Variants in PATJ observed in about 807,000 individuals in gnomAD.
PATJ encodes the protein inaD-like protein.
PATJ carries 190 observed loss-of-function variants against 224.9 expected under a neutral mutation model. The observed-to-expected ratio is 0.84, with a 90% CI of 0.75 to 0.95. PATJ has a LOEUF of 0.95. Among genes scored for constraint, PATJ ranks in the 40% least tolerant of loss-of-function variants. The pLI is 0.00. For synonymous variants in PATJ, 769 were observed against 820.3 expected (o/e 0.94, Z 1.07); for missense variants, 2,121 against 2,270.3 (o/e 0.93, Z 1.34).
At chr1:61,995,920 G>A (rs1032947578) in intron 28 of PATJ, among the ~76,000 whole-genome samples, 4 of 152,172 alleles carry the variant, frequency 2.6e-5, no homozygotes, top group Non-Finnish European at 5.9e-5. Flanking sequence ...GTGCTGTGCA[G>A]GGAATTGGAG....
intron 37 of PATJ, among the ~76,000 whole-genome samples, chr1:62,120,568 A>C (rs1664924517): frequency 6.6e-6 from 1 of 152,226 alleles, no homozygotes; most frequent in Admixed American, 6.5e-5. Flanking sequence ...ATATTCATTT[A>C]AATGAATAAA....
In PATJ at chr1:62,144,775, A is replaced by ATATATATATATATAT. The variant is rs1218856613; in HGVS notation, c.5272-3509_5272-3508insTATATATATATATAT. Among the ~76,000 whole-genome samples, 13 of 90,866 alleles carry ATATATATATATATAT rather than the reference A, an allele frequency of 1.4e-4. 1 individual carries two copies. In the South Asian group the frequency reaches 3.0e-3, roughly 21 times the overall value. The allele number at this position is 90,866 out of a possible 152,430, so 59.6% of individuals were successfully genotyped here. Reference sequence around the variant, plus strand: ...TCTAGAATGTTATTTGCAAAAAAAAAAAATATATATATATATATATAATTA... The same window carrying ATATATATATATATAT: ...TCTAGAATGTTATTTGCAAAAAAAAATATATATATATATATAAATATATATATATATATATAATTA... On this transcript the variant is annotated intron_variant, in intron 41 of 43. Coordinates refer to ENST00000642238, the MANE Select transcript of PATJ (RefSeq NM_001350145.3).
At chr1:61,943,418 T>A (rs1678128847) in intron 27 of PATJ, among the ~76,000 whole-genome samples, 3 of 152,164 alleles carry the variant, frequency 2.0e-5, no homozygotes. Flanking sequence ...TCCAACAGCT[T>A]TAGCAAACGG....
At chr1:61,926,215 A>G (rs1675175281) in intron 26 of PATJ, among the ~76,000 whole-genome samples, 1 of 152,180 alleles carries the variant, frequency 6.6e-6, no homozygotes, top group African/African-American at 2.4e-5. Context: ...CCCTTGCTCC[A>G]GCTGCCTTTG....
chr1:61,792,131 A>G lies in PATJ; in HGVS notation c.1168+684A>G, dbSNP rs551884939. Among the ~76,000 whole-genome samples the G allele has an allele frequency of 7.2e-5, 11 of 152,344 alleles. No individual in the cohort carries two copies. In the East Asian group the frequency reaches 2.1e-3, roughly 29 times the overall value. ...GATTACAGAGTTCATTTCCTTAAAA[A>G]AAAATTGTTATTTTGCATACTTACA... On this transcript the variant is annotated intron_variant, in intron 9 of 43. Coordinates refer to ENST00000642238, the MANE Select transcript of PATJ (RefSeq NM_001350145.3).
chr1:61,921,584 T>C (rs146100549), intron 26 of PATJ, among the ~76,000 whole-genome samples: 3 of 152,322 alleles, frequency 2.0e-5, no homozygotes, highest in African/African-American at 7.2e-5. Flanking sequence ...TTTTCAGGGA[T>C]AGGAATTTGG....
intron 27 of PATJ, among the ~76,000 whole-genome samples, chr1:61,956,952 C>T (rs1571497880): frequency 6.6e-6 from 1 of 152,252 alleles, no homozygotes; most frequent in South Asian, 2.1e-4. Flanking sequence ...CTTCAGTCCC[C>T]CTTGAGTCTG....
rs71050183 is a variant in PATJ at position 61,939,676 on chromosome 1, C to CTTTTTTTTTTT, written c.3670+11863_3670+11873dup. Among the ~76,000 whole-genome samples, 24 of 58,878 alleles carry CTTTTTTTTTTT rather than the reference C, an allele frequency of 4.1e-4. 6 individuals are homozygous for CTTTTTTTTTTT. The highest frequency in any genetic ancestry group is 1.7e-3 in the African/African-American group (18 of 10,684). 38.6% of individuals were successfully genotyped at this position (58,878 alleles called of 152,430 possible). ...AGCATGTATAAAAAGTTTCTATGTG[C>CTTTTTTTTTTT]TTTTTTTTTTTTTTTTTTTTTTTTT... On this transcript the variant is annotated intron_variant, in intron 27 of 43. Transcript: ENST00000642238.
intron 29 of PATJ, among the ~76,000 whole-genome samples, chr1:62,028,327 T>G (rs1384611287): frequency 6.6e-6 from 1 of 152,104 alleles, no homozygotes; most frequent in Non-Finnish European, 1.5e-5. Context: ...CCTCAGCCTT[T>G]TGAGTAGCTA....
At chr1:62,057,820 A>G (rs544305871) in intron 31 of PATJ, among the ~76,000 whole-genome samples, 17 of 152,336 alleles carry the variant, frequency 1.1e-4, no homozygotes, top group Non-Finnish European at 2.4e-4. Flanking sequence ...CAGAACAACC[A>G]TAATCCCAAA....
chr1:61,978,219 T>TTCTTCCTCCCTC (rs1399668717), intron 27 of PATJ, among the ~76,000 whole-genome samples: 19 of 131,062 alleles, frequency 1.4e-4, no homozygotes, highest in African/African-American at 5.3e-4. Context: ...CTTCCTTCCT[T>TTCTTCCTCCCTC]CCTTCCTCCC....
intron 22 of PATJ, among the ~76,000 whole-genome samples, chr1:61,888,168 G>A (rs976727150): frequency 6.6e-6 from 1 of 152,190 alleles, no homozygotes; most frequent in Non-Finnish European, 1.5e-5. Flanking sequence ...GCAGCCTCTG[G>A]GGAAACGCAC....
intron 27 of PATJ, among the ~76,000 whole-genome samples, chr1:61,980,210 A>C (rs529024646): frequency 6.6e-6 from 1 of 151,928 alleles, no homozygotes; most frequent in African/African-American, 2.4e-5. Flanking sequence ...GCTTGAGCCC[A>C]GGAGGTTGGG....
Position 62,099,107 on chromosome 1 carries a change from A to G in PATJ, c.4378-9330A>G, listed in dbSNP as rs991835040. 8.6e-5 allele frequency among the ~76,000 whole-genome samples: 13 copies of G among 151,984 alleles called. 1 individual carries two copies. The highest frequency in any genetic ancestry group is 6.6e-5 in the Admixed American group (1 of 15,252). On this transcript the variant is annotated intron_variant, in intron 33 of 43. Transcript: ENST00000642238. ...TGGTTTACACAGCACTAGATTGAGGATTTTGCCACCTCCGCCATATTATCA... is the reference window on the plus strand; with the variant it reads ...TGGTTTACACAGCACTAGATTGAGGGTTTTGCCACCTCCGCCATATTATCA...
chr1:61,857,870 T>G (rs1470351700), intron 18 of PATJ, among the ~76,000 whole-genome samples: 1 of 152,214 alleles, frequency 6.6e-6, no homozygotes, highest in Non-Finnish European at 1.5e-5. Context: ...TTTTCATCTT[T>G]GAAAAGACTG....
At chr1:62,053,039 G>A (rs1364962260) in intron 31 of PATJ, among the ~76,000 whole-genome samples, 2 of 152,302 alleles carry the variant, frequency 1.3e-5, no homozygotes, top group South Asian at 4.1e-4. Flanking sequence ...GAAGAATCTG[G>A]TAGTCCCAGC....
At chr1:62,076,062 G>A (rs573752290) in intron 31 of PATJ, among the ~76,000 whole-genome samples, 1 of 151,954 alleles carries the variant, frequency 6.6e-6, no homozygotes, top group Non-Finnish European at 1.5e-5. Context: ...ACGAATGCTA[G>A]GACCCCCATC....
chr1:61,854,901 G>A (rs1180687772), intron 17 of PATJ, among the ~76,000 whole-genome samples: 1 of 152,216 alleles, frequency 6.6e-6, no homozygotes, highest in African/African-American at 2.4e-5. Flanking sequence ...CCCAACGGGT[G>A]AAAGATCTGT....
chr1:61,880,100 A>G (rs999643189), intron 21 of PATJ, among the ~76,000 whole-genome samples: 7 of 152,204 alleles, frequency 4.6e-5, no homozygotes, highest in Non-Finnish European at 8.8e-5. Context: ...CTGGGATTGC[A>G]GGCGTGAGCC....
Sources: allele counts gnomAD v4.1 joint callset (sites outside exome capture counted in the v4.1 genomes callset), GRCh38; gene constraint gnomAD v4.1.1; transcripts MANE v1.5; gene names NCBI Gene and HGNC (gene_info 2026-07-23, HGNC 2026-07-21).